The following NEB variants were observed in gnomAD, a reference collection of about 807,000 sequenced individuals.
The protein encoded by NEB is nemaline myopathy type 2.
A neutral mutation model predicts 952.2 loss-of-function variants in NEB; 512 were observed. The ratio of observed to expected loss-of-function variants is 0.54; its 90% confidence interval spans 0.50 to 0.58. NEB has a LOEUF of 0.58. Among genes scored for constraint, NEB ranks in the 20% least tolerant of loss-of-function variants. The pLI is 0.00. For missense variants in NEB, 8,428 were observed against 9,231.1 expected, an observed-to-expected ratio of 0.91 and a Z score of 3.56; for synonymous variants, 2,900 against 3,149.8, an observed-to-expected ratio of 0.92 and a Z score of 2.66.
At chr2:151,490,584 G>C in intron 179 of NEB, 66 bp from the exon 180 acceptor site, 1 of 1,535,220 alleles carries the variant, frequency 6.5e-7, no homozygotes. Context: ...ATGCCTAACA[G>C]TGATTGAATC....
chr2:151,499,508 C>G (rs2062832310), intron 168 of NEB, 118 bp from the exon 169 acceptor site: 1 of 645,240 alleles, frequency 1.5e-6, no homozygotes. Flanking sequence ...ACAGATTCAA[C>G]AAGTCAACCT....
rs1263582590 is a variant in NEB, at chr2:151,496,355, T to G, written c.24407A>C (p.Glu8136Ala). The change falls in exon 173 of 182, where the codon GAA (glutamate) becomes GCA (alanine). Residue 8136 changes from glutamate (E) to alanine (A), a missense_variant. By Grantham distance (107) the Glu-to-Ala change is moderately radical (BLOSUM62 -1). This residue lies in a region of NEB where 3,374 missense variants were observed against 3,651.5 expected (regional missense o/e 0.92). Coordinates refer to ENST00000397345, the MANE Select transcript of NEB (RefSeq NM_001164508.2). ...TAAAGGAGTTCCCTTGCCCATGTTT[T>G]CTTTGTATAACACCTGTGCGATGAG... ...QENISSVLYK[E>A]NMGKGTPLAV... is the part of the protein sequence containing the mutation. 2 of 1,609,714 alleles carry G rather than the reference T, an allele frequency of 1.2e-6. No individual in the cohort carries two copies. The highest frequency in any genetic ancestry group is 3.4e-5 in the Admixed American group (2 of 59,650).
At chr2:151,531,613 G>A (rs547478187) in intron 144 of NEB, among the ~76,000 whole-genome samples, 179 bp downstream of exon 144, 4 of 152,188 alleles carry the variant, frequency 2.6e-5, no homozygotes, top group African/African-American at 4.8e-5. Context: ...CACCACGCCC[G>A]GCCACAACAA....
chr2:151,577,004 C>T (rs2096890282), intron 105 of NEB, among the ~76,000 whole-genome samples: 1 of 152,114 alleles, frequency 6.6e-6, no homozygotes, highest in African/African-American at 2.4e-5. Flanking sequence ...AAGCAGCTCT[C>T]CATTTGAGGG....
intron 9 of NEB, among the ~76,000 whole-genome samples, chr2:151,719,815 G>A (rs376658336): frequency 6.6e-4 from 99 of 149,628 alleles, no homozygotes; most frequent in African/African-American, 2.3e-3. Flanking sequence ...GGAGGTGGAG[G>A]TTGCAATAAG....
At chr2:151,611,894 T>C (rs2097985348) in intron 78 of NEB, among the ~76,000 whole-genome samples, 1 of 152,136 alleles carries the variant, frequency 6.6e-6, no homozygotes, top group Admixed American at 6.5e-5. Context: ...TAGGAGAATG[T>C]GTGAGGAAGG....
intron 161 of NEB, among the ~76,000 whole-genome samples, chr2:151,510,210 C>T (rs931296480): frequency 7.2e-5 from 11 of 152,072 alleles, no homozygotes; most frequent in Admixed American, 6.6e-4. Context: ...TCTTCAGACC[C>T]CCAATAAACT....
intron 145 of NEB, 59 bp downstream of exon 145, chr2:151,530,935 T>TA: frequency 8.8e-7 from 1 of 1,132,390 alleles, no homozygotes; most frequent in Non-Finnish European, 1.3e-6. Flanking sequence ...CAGGGTTTGT[T>TA]ACATCTCATT....
chr2:151,492,086 A>G lies in NEB; in HGVS notation c.25057+12T>C, dbSNP rs2057094168. 1 of 1,613,076 alleles carries G rather than the reference A, an allele frequency of 6.2e-7. No individual in the cohort carries two copies. The highest frequency in any genetic ancestry group is 1.7e-5 in the Admixed American group (1 of 59,986). On this transcript the variant is annotated intron_variant, in intron 178 of 181. Coordinates refer to ENST00000397345, the MANE Select transcript of NEB (RefSeq NM_001164508.2). ...TAAAGTTAATCCCCTCCCCCAACCC[A>G]GGCTCAGTTACCTGTAATAGTCTCC...
rs1487806195 is a variant in NEB, at chr2:151,684,650, G to T, written c.2835+128C>A. 6.3e-6 allele frequency: 5 copies of T among 799,786 alleles called. No homozygotes were observed. In the East Asian group the frequency reaches 8.4e-5, roughly 13 times the overall value. 49.5% of individuals were successfully genotyped at this position (799,786 alleles called of 1,614,324 possible). A position where few individuals can be genotyped will look rare whatever the true frequency, so the allele number is the denominator to read the frequency against. ...GGGCATGCTCTTATAGAACCACAAG[G>T]GTCGTTTGCTTACATACATAGGACA... On this transcript the variant is annotated intron_variant, in intron 28 of 181. Transcript: ENST00000397345.
Position 151,546,000 on chromosome 2 carries a change from T to TAAA in NEB, c.20467-3_20467-2insTTT. 9.9e-7 allele frequency: 1 copy of TAAA among 1,011,354 alleles called. No individual in the cohort carries two copies. The highest frequency in any genetic ancestry group is 1.4e-6 in the Non-Finnish European group (1 of 713,278). 62.6% of individuals were successfully genotyped at this position (1,011,354 alleles called of 1,614,324 possible). On this transcript the variant is annotated splice_polypyrimidine_tract_variant and splice_region_variant and intron_variant, in intron 134 of 181. Transcript: ENST00000397345. ...CTTATCAGTGTATAGGTAATTAGACTTAAAAAAAAAAAAAAAAACAGAAAT... is the reference window on the plus strand; with the variant it reads ...CTTATCAGTGTATAGGTAATTAGACTAAATAAAAAAAAAAAAAAAAACAGAAAT...
At chr2:151,502,539 T>C (rs1234910197) in intron 167 of NEB, among the ~76,000 whole-genome samples, 1 of 152,094 alleles carries the variant, frequency 6.6e-6, no homozygotes, top group African/African-American at 2.4e-5. Context: ...CCTACTGTTA[T>C]TAAAGGAGGA....
At chr2:151,522,565 G>A (rs1474152521) in intron 153 of NEB, among the ~76,000 whole-genome samples, 1 of 152,068 alleles carries the variant, frequency 6.6e-6, no homozygotes, top group Non-Finnish European at 1.5e-5. Context: ...GGAAAAGAAG[G>A]GTGTATGCAA....
intron 13 of NEB, among the ~76,000 whole-genome samples, chr2:151,702,543 G>A (rs921175995): frequency 6.6e-6 from 1 of 151,664 alleles, no homozygotes; most frequent in Non-Finnish European, 1.5e-5. Flanking sequence ...TATGAATCTG[G>A]GTGTTCCTGT....
intron 76 of NEB, among the ~76,000 whole-genome samples, chr2:151,615,149 A>G (rs1168260118): frequency 1.3e-5 from 2 of 152,200 alleles, no homozygotes; most frequent in Non-Finnish European, 2.9e-5. Flanking sequence ...AGAATAACGC[A>G]TTATGGTCCA....
chr2:151,505,709 A>T, intron 164 of NEB, 139 bp from the exon 165 acceptor site: 1 of 687,304 alleles, frequency 1.5e-6, no homozygotes, highest in Non-Finnish European at 2.6e-6. Flanking sequence ...CTTAGTGTGA[A>T]TGGGACCTCA....
intron 165 of NEB, among the ~76,000 whole-genome samples, chr2:151,503,925 TCCCTGGATGTGAGATG>T (rs2066784198): frequency 1.3e-5 from 2 of 152,196 alleles, no homozygotes; most frequent in African/African-American, 4.8e-5. Context: ...AGGAGCCTAG[TCCCTGGATGTGAGATG>T]GCTTAATCAG....
chr2:151,502,710 A>C, intron 167 of NEB, 83 bp downstream of exon 167: 1 of 781,172 alleles, frequency 1.3e-6, no homozygotes, highest in Non-Finnish European at 2.1e-6. Context: ...CATTATATGA[A>C]TTTAGTAATT....
At chr2:151,553,525 A>G in intron 126 of NEB, 23 bp from the exon 127 acceptor site, 1 of 1,504,964 alleles carries the variant, frequency 6.6e-7, no homozygotes, top group Non-Finnish European at 9.2e-7. Context: ...GATAGAAAGG[A>G]TCAGAAAAAA....
Sources: allele counts gnomAD v4.1 joint callset (sites outside exome capture counted in the v4.1 genomes callset), GRCh38; gene constraint gnomAD v4.1.1; regional missense constraint gnomAD v4.1.1; transcripts MANE v1.5; gene names NCBI Gene and HGNC (gene_info 2026-07-23, HGNC 2026-07-21).